The following CCDC171 variants were observed in gnomAD, a reference collection of about 807,000 sequenced individuals.
The protein encoded by CCDC171 is coiled-coil domain containing 171, also known as coiled-coil domain-containing protein 171.
CCDC171 carries 177 observed loss-of-function variants against 168.2 expected under a neutral mutation model. The ratio of observed to expected loss-of-function variants is 1.05; its 90% CI spans 0.93 to 1.19. The LOEUF is 1.19. CCDC171 is among the 50% of genes most tolerant of loss of function. The probability of loss-of-function intolerance (pLI) is 0.00; values close to 1 mark genes in which losing one functional copy is unlikely to be tolerated. For missense variants in CCDC171, 1,991 were observed against 1,539.0 expected (o/e 1.29, Z -4.91); for synonymous variants, 687 against 540.8 (o/e 1.27, Z -3.75).
the CCDC171 span, among the ~76,000 whole-genome samples, chr9:16,074,052 T>C: frequency 6.6e-6 from 1 of 152,138 alleles, no homozygotes; most frequent in Non-Finnish European, 1.5e-5. Flanking sequence ...GTAGGTCAGT[T>C]GCTTAGTATC....
At chr9:16,107,912 CATTTATACATA>C in the CCDC171 span, among the ~76,000 whole-genome samples, 3 of 152,114 alleles carry the variant, frequency 2.0e-5, no homozygotes, top group East Asian at 1.9e-4. Context: ...ATATGCCATG[CATTTATACATA>C]ATTTATACAT....
At chr9:15,850,184 A>G (rs2061067385) in intron 23 of CCDC171, 1 of 151,946 alleles carries the variant, frequency 6.6e-6, no homozygotes, top group Admixed American at 6.6e-5. Flanking sequence ...ACCCTTTTAT[A>G]TAGTTAATGT....
intron 1 of CCDC171, among the ~76,000 whole-genome samples, chr9:16,056,912 T>C (rs1833851160): frequency 6.6e-6 from 1 of 152,244 alleles, no homozygotes; most frequent in African/African-American, 2.4e-5. Flanking sequence ...AATTTAATTG[T>C]AATGTAGAAA....
chr9:15,806,462 G>C (rs571950483), intron 21 of CCDC171, among the ~76,000 whole-genome samples: 1 of 152,238 alleles, frequency 6.6e-6, no homozygotes, highest in South Asian at 2.1e-4. Context: ...TTGCTTGTCT[G>C]AAAAGAATCT....
chr9:15,841,464 A>T (rs906278991), intron 21 of CCDC171, among the ~76,000 whole-genome samples: 5 of 151,998 alleles, frequency 3.3e-5, no homozygotes, highest in Non-Finnish European at 7.4e-5. Flanking sequence ...TGTGAGTTCT[A>T]ACTAAGACTG....
At chr9:15,992,381 C>G in intron 3 of CCDC171, among the ~76,000 whole-genome samples, 1 of 152,068 alleles carries the variant, frequency 6.6e-6, no homozygotes, top group East Asian at 1.9e-4. Flanking sequence ...AGGCCTTTGA[C>G]AAAATTCAAC....
At chr9:15,993,578 G>A (rs539837603) in intron 3 of CCDC171, among the ~76,000 whole-genome samples, 1 of 152,280 alleles carries the variant, frequency 6.6e-6, no homozygotes, top group Admixed American at 6.5e-5. Context: ...GGCAACAAAA[G>A]CCAAAATTGA....
At chr9:16,069,027 T>A in the CCDC171 span, among the ~76,000 whole-genome samples, 2 of 152,200 alleles carry the variant, frequency 1.3e-5, no homozygotes, top group Admixed American at 6.5e-5. Context: ...GGATTAAGAC[T>A]GAGCAGCTAT....
chr9:16,028,168 G>A (rs1199655614), intron 6 of CCDC171, among the ~76,000 whole-genome samples: 9 of 152,106 alleles, frequency 5.9e-5, no homozygotes, highest in South Asian at 4.2e-4. Flanking sequence ...GAAAGTCAGC[G>A]GCAATTAGTG....
chr9:16,010,679 T>G (rs1255910501), intron 3 of CCDC171, among the ~76,000 whole-genome samples: 3 of 151,862 alleles, frequency 2.0e-5, no homozygotes, highest in African/African-American at 7.3e-5. Context: ...TCCTTGGTGA[T>G]GAGCACACCT....
chr9:15,682,045 G>T (rs1253813481), intron 10 of CCDC171, among the ~76,000 whole-genome samples: 1 of 151,884 alleles, frequency 6.6e-6, no homozygotes, highest in East Asian at 1.9e-4. Context: ...TCTAGTTTAG[G>T]TCATGTTCAT....
intron 5 of CCDC171, among the ~76,000 whole-genome samples, chr9:15,593,405 G>A (rs1357254283): frequency 1.3e-5 from 2 of 152,222 alleles, no homozygotes; most frequent in South Asian, 2.1e-4. Flanking sequence ...CAAAAGGAAA[G>A]CATTTTTTCA....
intron 3 of CCDC171, among the ~76,000 whole-genome samples, chr9:15,997,361 C>T (rs875113): frequency 0.083 from 12,641 of 152,260 alleles, 1,740 homozygotes; most frequent in African/African-American, 0.29. Flanking sequence ...AGCATGGCCC[C>T]AGCTCCTACA....
Position 15,813,449 on chromosome 9 carries a change from A to G in CCDC171, c.3267+28755A>G, listed in dbSNP as rs182829550. On this transcript the variant is annotated intron_variant, in intron 21 of 25. Coordinates refer to ENST00000380701, the MANE Select transcript of CCDC171 (RefSeq NM_173550.4). The stretch of plus-strand genomic sequence containing the variant: ...CATTATCATGTTTGAGCCATCATAC[A>G]TTTTGTTTGTTTTTTGGCTATAGCA... 3.8e-4 allele frequency among the ~76,000 whole-genome samples: 58 copies of G among 152,230 alleles called. No homozygotes were observed. In the East Asian group the frequency reaches 7.1e-3, roughly 19 times the overall value.
intron 21 of CCDC171, among the ~76,000 whole-genome samples, chr9:15,797,864 T>A (rs1408374570): frequency 6.6e-6 from 1 of 152,182 alleles, no homozygotes; most frequent in Non-Finnish European, 1.5e-5. Flanking sequence ...AAATAAATAT[T>A]AAGTTATTCC....
chr9:15,775,317 T>C (rs1044760229), intron 18 of CCDC171, among the ~76,000 whole-genome samples: 1 of 152,218 alleles, frequency 6.6e-6, no homozygotes, highest in Non-Finnish European at 1.5e-5. Flanking sequence ...AGTCAGTGTC[T>C]ACACAAACAT....
chr9:15,666,476 T>C (rs2048743667), intron 9 of CCDC171, among the ~76,000 whole-genome samples, 153 bp downstream of exon 9: 1 of 152,226 alleles, frequency 6.6e-6, no homozygotes. Context: ...AACTATACTT[T>C]CCTGTATAGG....
intron 6 of CCDC171, among the ~76,000 whole-genome samples, chr9:15,608,891 A>G (rs912550899): frequency 1.5e-5 from 2 of 132,966 alleles, no homozygotes; most frequent in African/African-American, 5.5e-5. Context: ...CTGGGAGGTC[A>G]AGGCTGCATT....
intron 25 of CCDC171, among the ~76,000 whole-genome samples, chr9:15,955,279 G>C (rs1366643041): frequency 6.6e-6 from 1 of 152,132 alleles, no homozygotes; most frequent in African/African-American, 2.4e-5. Flanking sequence ...CCCAAAGGGG[G>C]GAAAAGAGAA....
Sources: allele counts gnomAD v4.1 joint callset (sites outside exome capture counted in the v4.1 genomes callset), GRCh38; gene constraint gnomAD v4.1.1; transcripts MANE v1.5; gene names NCBI Gene and HGNC (gene_info 2026-07-23, HGNC 2026-07-21).